Variants in ATP6V1G1 observed in about 807,000 individuals in gnomAD.
ATP6V1G1 encodes ATPase H+ transporting V1 subunit G1.
In ATP6V1G1, 14 loss-of-function variants were observed where a neutral mutation model predicts 14.2. That is an observed-to-expected ratio of 0.99 (90% CI 0.65 to 1.55). The LOEUF (loss-of-function observed/expected upper bound fraction) is 1.55, where lower values mean the gene tolerates loss of function less well. ATP6V1G1 is among the 40% of genes most tolerant of loss of function. The pLI is 0.00. For missense variants in ATP6V1G1, 137 were observed against 146.4 expected (o/e 0.94, Z 0.33); for synonymous variants, 65 against 53.3 (o/e 1.22, Z -0.96).
intron 2 of ATP6V1G1, among the ~76,000 whole-genome samples, chr9:114,594,878 T>G (rs1845221591): frequency 1.2e-5 from 1 of 80,950 alleles, no homozygotes; most frequent in African/African-American, 5.4e-5. Context: ...TTTTTTTTTT[T>G]GAGACAGTTT....
intron 1 of ATP6V1G1, 135 bp from the exon 2 acceptor site, chr9:114,592,417 C>T (rs1037996267): frequency 3.5e-6 from 3 of 847,204 alleles, no homozygotes; most frequent in Non-Finnish European, 5.3e-6. Context: ...GCTCTGAATT[C>T]CCTCTTTCCC....
chr9:114,597,569 GGCA>G lies in ATP6V1G1; in HGVS notation c.184_186del (p.Ala62del). 4 of 1,496,388 alleles carry G rather than the reference GGCA, an allele frequency of 2.7e-6. No homozygotes were observed. The highest frequency in any genetic ancestry group is 3.6e-6 in the Non-Finnish European group (4 of 1,122,418). The allele number at this position is 1,496,388 out of a possible 1,614,324, so 92.7% of individuals were successfully genotyped here. On this transcript the variant is annotated inframe_deletion and splice_region_variant, in exon 3 of 3. Transcript: ENST00000374050. ...TCCGTGACATCACTCCCCATCTCCA[GGCA>G]TTGGGATCCCGTGGCAGTTGCAGCA... is the stretch of plus-strand genomic sequence containing the variant.
At chr9:114,596,960 C>G (rs959432962) in intron 2 of ATP6V1G1, among the ~76,000 whole-genome samples, 1 of 139,786 alleles carries the variant, frequency 7.2e-6, no homozygotes, top group Admixed American at 7.1e-5. Flanking sequence ...TGATTCCTAT[C>G]TTTGGTTAAG....
At chr9:114,596,234 A>G (rs1420971926) in intron 2 of ATP6V1G1, among the ~76,000 whole-genome samples, 1 of 152,054 alleles carries the variant, frequency 6.6e-6, no homozygotes, top group Non-Finnish European at 1.5e-5. Context: ...ACACAGAAAA[A>G]AAAATTAGCC....
At position 114,597,606 on chromosome 9, in the gene ATP6V1G1, GAGA is replaced by G; in HGVS notation, c.223_225del (p.Lys75del). 6.4e-7 allele frequency: 1 copy of G among 1,554,420 alleles called. No individual in the cohort carries two copies. The highest frequency in any genetic ancestry group is 2.4e-5 in the East Asian group (1 of 41,288). ...CCGTGGCAGTTGCAGCACTGAAGTG[GAGA>G]AGGAGACCCAGGAGAAGATGACCAT... On this transcript the variant is annotated inframe_deletion, in exon 3 of 3. Transcript: ENST00000374050.
chr9:114,595,792 A>T (rs1845231542), intron 2 of ATP6V1G1, among the ~76,000 whole-genome samples: 1 of 152,132 alleles, frequency 6.6e-6, no homozygotes, highest in African/African-American at 2.4e-5. Flanking sequence ...GGAAAAAAAA[A>T]TGGAGTGATA....
chr9:114,592,768 C>A, intron 2 of ATP6V1G1, 116 bp downstream of exon 2: 1 of 1,099,788 alleles, frequency 9.1e-7, no homozygotes, highest in Non-Finnish European at 1.3e-6. Context: ...AATGTGGTAG[C>A]TGTGTGTTTT....
intron 1 of ATP6V1G1, among the ~76,000 whole-genome samples, chr9:114,589,808 T>C (rs1343308006): frequency 6.6e-6 from 1 of 152,142 alleles, no homozygotes; most frequent in Non-Finnish European, 1.5e-5. Context: ...TAATTCTGAG[T>C]GCCCTAGCCA....
chr9:114,595,427 G>A (rs1367199465), intron 2 of ATP6V1G1, among the ~76,000 whole-genome samples: 1 of 152,128 alleles, frequency 6.6e-6, no homozygotes, highest in African/African-American at 2.4e-5. Context: ...CAAGGTGGGT[G>A]GATCGTTTGA....
chr9:114,593,475 A>T (rs1845204080), intron 2 of ATP6V1G1, among the ~76,000 whole-genome samples: 1 of 152,172 alleles, frequency 6.6e-6, no homozygotes, highest in Non-Finnish European at 1.5e-5. Flanking sequence ...TGCATTAAGT[A>T]GCAAAAATTT....
At chr9:114,591,399 T>G (rs1326638385) in intron 1 of ATP6V1G1, among the ~76,000 whole-genome samples, 1 of 152,194 alleles carries the variant, frequency 6.6e-6, no homozygotes, top group East Asian at 1.9e-4. Context: ...ATTTATAGAT[T>G]GTTGGTTTCG....
Position 114,592,703 on chromosome 9 carries a change from C to T in ATP6V1G1, c.183+51C>T, listed in dbSNP as rs539464851. On this transcript the variant is annotated intron_variant, in intron 2 of 2. Coordinates refer to ENST00000374050, the MANE Select transcript of ATP6V1G1 (RefSeq NM_004888.4). Reference sequence around the variant, plus strand: ...TGCTTTAGTTTCTGATCCCCTGTCCCGCCAAGGCTTTCAGAATATCCAGCA... The same window carrying T: ...TGCTTTAGTTTCTGATCCCCTGTCCTGCCAAGGCTTTCAGAATATCCAGCA... 94 of 1,526,880 alleles carry T rather than the reference C, an allele frequency of 6.2e-5. 1 individual carries two copies. The highest frequency in any genetic ancestry group is 5.9e-4 in the South Asian group (49 of 83,130). The allele number at this position is 1,526,880 out of a possible 1,614,324, so 94.6% of individuals were successfully genotyped here.
chr9:114,591,394 T>C (rs1845180707), intron 1 of ATP6V1G1, among the ~76,000 whole-genome samples: 1 of 152,214 alleles, frequency 6.6e-6, no homozygotes, highest in African/African-American at 2.4e-5. Context: ...GTGTTATTTA[T>C]AGATTGTTGG....
rs1390118558 is a variant in ATP6V1G1 at position 114,592,655 on chromosome 9, G to A, written c.183+3G>A. 6.4e-7 allele frequency: 1 copy of A among 1,568,952 alleles called. No individual in the cohort carries two copies. On this transcript the variant is annotated splice_donor_region_variant and intron_variant, in intron 2 of 2. Coordinates refer to ENST00000374050, the MANE Select transcript of ATP6V1G1 (RefSeq NM_004888.4). ...AATTCAAGGCCAAGGAAGCTGCGGT[G>A]GGGCACCATTTGTTTTTGTTACTGC...
chr9:114,598,407 G>A lies in ATP6V1G1; in HGVS notation c.*664G>A, dbSNP rs868853486. On this transcript the variant is annotated 3_prime_UTR_variant, in exon 3 of 3. Coordinates refer to ENST00000374050, the MANE Select transcript of ATP6V1G1 (RefSeq NM_004888.4). ...CATTCTTTTTTTTTTCCCTGTCTCCGTGACAACCAGTGGTTCTTCATTTTT... is the reference window on the plus strand; with the variant it reads ...CATTCTTTTTTTTTTCCCTGTCTCCATGACAACCAGTGGTTCTTCATTTTT... 6.6e-6 allele frequency: 1 copy of A among 151,350 alleles called. No individual in the cohort carries two copies. Among genetic ancestry groups the A allele is most frequent in the African/African-American group, 2.4e-5 (1 of 40,952 alleles). 9.4% of individuals were successfully genotyped at this position (151,350 alleles called of 1,614,324 possible). A position where few individuals can be genotyped will look rare whatever the true frequency, so the allele number is the denominator to read the frequency against.
rs150004834 is a variant in ATP6V1G1 at position 114,598,398 on chromosome 9, CCT to C, written c.*656_*657del. On this transcript the variant is annotated 3_prime_UTR_variant, in exon 3 of 3. Transcript: ENST00000374050. ...ATTTTTCCCCATTCTTTTTTTTTTC[CCT>C]GTCTCCGTGACAACCAGTGGTTCTT... The C allele has an allele frequency of 0.026, 3,999 of 151,476 alleles. 94 individuals are homozygous for C. The highest frequency in any genetic ancestry group is 0.088 in the East Asian group (456 of 5,164). The allele number at this position is 151,476 out of a possible 1,614,324, so 9.4% of individuals were successfully genotyped here. A position where few individuals can be genotyped will look rare whatever the true frequency, so the allele number is the denominator to read the frequency against.
chr9:114,590,332 T>C (rs1845171181), intron 1 of ATP6V1G1, among the ~76,000 whole-genome samples: 1 of 150,272 alleles, frequency 6.7e-6, no homozygotes, highest in Non-Finnish European at 1.5e-5. Flanking sequence ...CCATCTTGGC[T>C]CACTGCATCC....
intron 2 of ATP6V1G1, among the ~76,000 whole-genome samples, chr9:114,594,493 C>T (rs1338521971): frequency 6.6e-6 from 1 of 151,630 alleles, no homozygotes; most frequent in South Asian, 2.1e-4. Context: ...AAATGATTCT[C>T]CTGCCTCAGC....
intron 2 of ATP6V1G1, among the ~76,000 whole-genome samples, chr9:114,596,387 CAAAA>C (rs534296519): frequency 3.7e-5 from 3 of 80,314 alleles, no homozygotes; most frequent in Non-Finnish European, 5.2e-5. Context: ...GACTCCAACT[CAAAA>C]AAAAAAAAAA....
Sources: allele counts gnomAD v4.1 joint callset (sites outside exome capture counted in the v4.1 genomes callset), GRCh38; gene constraint gnomAD v4.1.1; transcripts MANE v1.5; gene names NCBI Gene and HGNC (gene_info 2026-07-23, HGNC 2026-07-21).